The following SPATC1 variants were observed in gnomAD, a reference collection of about 807,000 sequenced individuals.
SPATC1 encodes speriolin.
SPATC1 carries 35 observed loss-of-function variants against 36.5 expected under a neutral mutation model. That is an observed-to-expected ratio of 0.96 (90% CI 0.73 to 1.27). SPATC1 has a LOEUF of 1.27. SPATC1 is among the 50% of genes most tolerant of loss of function. The pLI is 0.00. For missense variants in SPATC1, 779 were observed against 796.0 expected, an observed-to-expected ratio of 0.98 and a Z score of 0.26; for synonymous variants, 361 against 353.6, an observed-to-expected ratio of 1.02 and a Z score of -0.24.
chr8:144,016,543 C>T lies in SPATC1; in HGVS notation c.211+3817C>T, dbSNP rs967606821. On this transcript the variant is annotated intron_variant, in intron 1 of 4. Coordinates refer to ENST00000377470, the MANE Select transcript of SPATC1 (RefSeq NM_198572.3). This position sits in a 1 kb window ranked among gnomAD's most constrained non-coding sequence, Gnocchi z 4.5. Reference sequence around the variant, plus strand: ...AGAGGCATCAGATCACCAAGGACTGCGGATGACATGCTGAGGGGCTTGGAC... The same window carrying T: ...AGAGGCATCAGATCACCAAGGACTGTGGATGACATGCTGAGGGGCTTGGAC... Among the ~76,000 whole-genome samples the T allele has an allele frequency of 2.0e-5, 3 of 152,016 alleles. No homozygotes were observed. Among genetic ancestry groups the T allele is most frequent in the African/African-American group, 7.2e-5 (3 of 41,388 alleles).
intron 1 of SPATC1, among the ~76,000 whole-genome samples, chr8:144,037,551 G>A (rs1834935478): frequency 6.6e-6 from 1 of 152,100 alleles, no homozygotes; most frequent in African/African-American, 2.4e-5. Context: ...TCCACTCAGG[G>A]TTGAATGGAT....
At chr8:144,039,656 G>C (rs1208591900) in intron 1 of SPATC1, among the ~76,000 whole-genome samples, 4 of 152,182 alleles carry the variant, frequency 2.6e-5, no homozygotes, top group Non-Finnish European at 4.4e-5. Flanking sequence ...CCAAAAATCA[G>C]GGCTGGAGAT....
At chr8:144,038,896 T>C (rs2133142212) in intron 1 of SPATC1, among the ~76,000 whole-genome samples, 1 of 152,230 alleles carries the variant, frequency 6.6e-6, no homozygotes, top group East Asian at 1.9e-4. Context: ...AGAGACCATA[T>C]AGCTGGCAAA....
chr8:144,040,393 T>A lies in SPATC1; in HGVS notation c.696T>A (p.Ala232=). Residue 232 remains alanine, a synonymous_variant, in exon 2 of 5, where the codon GCT becomes GCA. Transcript: ENST00000377470. ...VLPEAPRLRL[A]EPLRGGPTGP... The stretch of plus-strand genomic sequence containing the variant: ...CAGAGGCCCCAAGGCTGCGGCTGGC[T>A]GAGCCACTCCGCGGAGGCCCCACTG... 1.2e-6 allele frequency: 2 copies of A among 1,612,232 alleles called. No individual in the cohort carries two copies. Among genetic ancestry groups the A allele is most frequent in the Non-Finnish European group, 1.7e-6 (2 of 1,179,754 alleles).
At position 144,012,997 on chromosome 8, in the gene SPATC1, C is replaced by G. The variant is rs904324344; in HGVS notation, c.211+271C>G. Among the ~76,000 whole-genome samples, 19 of 152,234 alleles carry G rather than the reference C, an allele frequency of 1.2e-4. No individual in the cohort carries two copies. The East Asian group carries it at 3.7e-3, about 29-fold the overall frequency. On this transcript the variant is annotated intron_variant, in intron 1 of 4. Coordinates refer to ENST00000377470, the MANE Select transcript of SPATC1 (RefSeq NM_198572.3). ...TCCATCACAGGCCCTGTACCTTGCC[C>G]TCCTTACCTGGCCCTCTCCTCTGTC...
intron 1 of SPATC1, among the ~76,000 whole-genome samples, chr8:144,029,970 G>C (rs952633125): frequency 5.3e-5 from 8 of 151,962 alleles, no homozygotes; most frequent in African/African-American, 1.9e-4. Flanking sequence ...TATATTTTCC[G>C]GATCTGTTAT....
At position 144,040,123 on chromosome 8, in the gene SPATC1, CA is replaced by C. The variant is rs781941498; in HGVS notation, c.427del (p.Ser143ValfsTer7). On this transcript the variant is annotated frameshift_variant, in exon 2 of 5. Transcript: ENST00000377470. LOFTEE classifies it high-confidence loss of function. ...QSSPLTSFLT[S>X]PIAGPLTGTL... The stretch of plus-strand genomic sequence containing the variant: ...GCAGCCCCCTCACCAGCTTCCTGAC[CA>C]GTCCCATTGCGGGACCCCTAACAGG... The C allele has an allele frequency of 3.7e-6, 6 of 1,610,182 alleles. No individual in the cohort carries two copies. Among genetic ancestry groups the C allele is most frequent in the Non-Finnish European group, 5.1e-6 (6 of 1,179,366 alleles).
In SPATC1 at chr8:144,044,066, A is replaced by G. The variant is rs193245085; in HGVS notation, c.1447-2561A>G. On this transcript the variant is annotated intron_variant, in intron 4 of 4. Coordinates refer to ENST00000377470, the MANE Select transcript of SPATC1 (RefSeq NM_198572.3). ...TGGTCCACAGCCACCTTCCCCCTGC[A>G]CTCACTCACTCCTGACTAGTATCGA... Among the ~76,000 whole-genome samples, 202 of 152,018 alleles carry G rather than the reference A, an allele frequency of 1.3e-3. No homozygotes were observed. In the Middle Eastern group the frequency reaches 0.014, roughly 10 times the overall value.
In SPATC1 at chr8:144,016,907, G is replaced by A. The variant is rs1158451239; in HGVS notation, c.211+4181G>A. Reference sequence around the variant, plus strand: ...GCCCACCTTGGCCTCCCAAAGTGCTGGGAATACAGGCATGAGCCACCACAC... The same window carrying A: ...GCCCACCTTGGCCTCCCAAAGTGCTAGGAATACAGGCATGAGCCACCACAC... On this transcript the variant is annotated intron_variant, in intron 1 of 4. Coordinates refer to ENST00000377470, the MANE Select transcript of SPATC1 (RefSeq NM_198572.3). The surrounding 1 kb of genome is among the most constrained non-coding windows in gnomAD (Gnocchi z 4.5). Among the ~76,000 whole-genome samples, 1 of 152,192 alleles carries A rather than the reference G, an allele frequency of 6.6e-6. No homozygotes were observed. The highest frequency in any genetic ancestry group is 1.5e-5 in the Non-Finnish European group (1 of 68,024).
chr8:144,019,900 G>GCT (rs1834470467), intron 1 of SPATC1, among the ~76,000 whole-genome samples: 1 of 150,188 alleles, frequency 6.7e-6, no homozygotes. Flanking sequence ...GCCTCGTCCT[G>GCT]CTCTCCCACT....
intron 1 of SPATC1, among the ~76,000 whole-genome samples, chr8:144,022,605 T>A: frequency 7.0e-6 from 1 of 143,768 alleles, no homozygotes; most frequent in South Asian, 2.4e-4. Flanking sequence ...ACCTCTTCCC[T>A]GAGGAGCCTT....
intron 1 of SPATC1, among the ~76,000 whole-genome samples, chr8:144,030,347 G>GTGTGTGTA (rs1472311952): frequency 6.6e-6 from 1 of 151,736 alleles, no homozygotes; most frequent in Non-Finnish European, 1.5e-5. Flanking sequence ...CCACATTGCT[G>GTGTGTGTA]TGTATGTATG....
In SPATC1 at chr8:144,012,557, A is replaced by G; in HGVS notation, c.42A>G (p.Ile14Met). The G allele has an allele frequency of 6.4e-7, 1 of 1,551,744 alleles. No individual in the cohort carries two copies. The highest frequency in any genetic ancestry group is 8.7e-7 in the Non-Finnish European group (1 of 1,146,986). ...LTNYEGLRHQ[I>M]ERLVRENEEL... is the part of the protein sequence containing the mutation. The stretch of plus-strand genomic sequence containing the variant: ...ATTATGAAGGGCTTCGGCATCAGAT[A>G]GAGAGGCTGGTGCGGGAAAATGAGG... The change falls in exon 1 of 5, where the codon ATA (isoleucine) becomes ATG (methionine). Residue 14 changes from isoleucine to methionine, a missense_variant. By Grantham distance (10) the Ile-to-Met change is conservative. Coordinates refer to ENST00000377470, the MANE Select transcript of SPATC1 (RefSeq NM_198572.3).
chr8:144,022,712 T>G (rs1347709993), intron 1 of SPATC1, among the ~76,000 whole-genome samples: 1 of 151,116 alleles, frequency 6.6e-6, no homozygotes, highest in Non-Finnish European at 1.5e-5. Flanking sequence ...CAGGACTATC[T>G]TCCCTGAGGA....
chr8:144,044,012 G>A (rs1554756432), intron 4 of SPATC1, among the ~76,000 whole-genome samples: 2 of 152,070 alleles, frequency 1.3e-5, no homozygotes, highest in African/African-American at 2.4e-5. Context: ...CACACCTTCC[G>A]CTGGTCCAAA....
At position 144,040,828 on chromosome 8, in the gene SPATC1, C is replaced by A; in HGVS notation, c.1027C>A (p.Pro343Thr). The change falls in exon 3 of 5, where the codon CCC becomes ACC. Residue 343 changes from proline (P) to threonine (T), a missense_variant. Pro to Thr is a conservative substitution (Grantham distance 38). Transcript: ENST00000377470. Reference protein sequence around the residue: ...TVLASAPALAPQVATSYTPSS... With the variant: ...TVLASAPALATQVATSYTPSS... The stretch of plus-strand genomic sequence containing the variant: ...CCTTGCCTCTGCCCCCGCCCTTGCC[C>A]CCCAGGTTGCCACCAGCTACACACC... The A allele has an allele frequency of 6.5e-7, 1 of 1,532,376 alleles. No individual in the cohort carries two copies. The highest frequency in any genetic ancestry group is 1.2e-5 in the South Asian group (1 of 83,968). 94.9% of individuals were successfully genotyped at this position (1,532,376 alleles called of 1,614,324 possible).
intron 1 of SPATC1, among the ~76,000 whole-genome samples, chr8:144,038,968 G>A (rs185287188): frequency 3.9e-5 from 6 of 152,274 alleles, no homozygotes; most frequent in East Asian, 3.9e-4. Context: ...AGCTATATAC[G>A]CACGGTAGAG....
At chr8:144,032,462 G>A (rs1834816816) in intron 1 of SPATC1, among the ~76,000 whole-genome samples, 1 of 151,944 alleles carries the variant, frequency 6.6e-6, no homozygotes, top group Non-Finnish European at 1.5e-5. Flanking sequence ...ATTCTTAGTA[G>A]AGACAGGGTT....
rs1261563560 is a variant in SPATC1, at chr8:144,026,408, A to G, written c.212-13501A>G. Among the ~76,000 whole-genome samples, 7 of 152,250 alleles carry G rather than the reference A, an allele frequency of 4.6e-5. No homozygotes were observed. The East Asian group carries it at 1.4e-3, about 29-fold the overall frequency. On this transcript the variant is annotated intron_variant, in intron 1 of 4. Transcript: ENST00000377470. ...TTGGGCTATTATGAATAATGCCGCT[A>G]TGAACATTCATGTACAGATTTTGTG...
Sources: allele counts gnomAD v4.1 joint callset (sites outside exome capture counted in the v4.1 genomes callset), GRCh38; gene constraint gnomAD v4.1.1; non-coding constraint Gnocchi (gnomAD v3.1); transcripts MANE v1.5; gene names NCBI Gene and HGNC (gene_info 2026-07-23, HGNC 2026-07-21).